Variants in XIRP1 observed in about 807,000 individuals in gnomAD.
XIRP1 encodes xin actin binding repeat containing 1.
For missense variants in XIRP1, 2,378 were observed against 2,345.4 expected, an observed-to-expected ratio of 1.01 and a Z score of -0.29; for synonymous variants, 984 against 947.0, an observed-to-expected ratio of 1.04 and a Z score of -0.72.
chr3:39,187,885 G>T lies in XIRP1; in HGVS notation c.1561C>A (p.Leu521Ile). 6.2e-7 allele frequency: 1 copy of T among 1,614,186 alleles called. No homozygotes were observed. The highest frequency in any genetic ancestry group is 8.5e-7 in the Non-Finnish European group (1 of 1,180,048). ...CTGGGGCTTCGGCCGAGCTGGTCTA[G>T]GGGCTGTGTCTCAAACATCCACCTG... is the stretch of plus-strand genomic sequence containing the variant. The part of the protein sequence containing the change: ...GYRWMFETQP[L>I]DQLGRSPSTI... The change falls in exon 2 of 2, where the codon CTA (leucine) becomes ATA (isoleucine). Residue 521 changes from leucine to isoleucine, a missense_variant. Coordinates refer to ENST00000340369, the MANE Select transcript of XIRP1 (RefSeq NM_194293.4).
chr3:39,189,567 C>T (rs2040058804), intron 1 of XIRP1, 42 bp from the exon 2 acceptor site: 3 of 1,440,030 alleles, frequency 2.1e-6, no homozygotes, highest in Non-Finnish European at 2.8e-6. Flanking sequence ...GTCAGAGTAG[C>T]TCTGGGTGAC....
rs768874233 is a variant in XIRP1, at chr3:39,189,379, G to A, written c.67C>T (p.Pro23Ser). The part of the protein sequence containing the change: ...TMRMATAEDL[P>S]LPPPPALEDL... ...TCCAGGGCTGGGGGTGGAGGGAGGG[G>A]CAGGTCCTCTGCAGTTGCCATCCTC... Residue 23 changes from proline to serine, a missense_variant, in exon 2 of 2, where the codon CCC (proline) becomes TCC (serine). By Grantham distance (74) the Pro-to-Ser change is moderately conservative. Coordinates refer to ENST00000340369, the MANE Select transcript of XIRP1 (RefSeq NM_194293.4). 1.1e-5 allele frequency: 18 copies of A among 1,611,668 alleles called. No individual in the cohort carries two copies. Among genetic ancestry groups the A allele is most frequent in the Non-Finnish European group, 1.5e-5 (18 of 1,179,328 alleles).
chr3:39,187,072 T>A lies in XIRP1; in HGVS notation c.2374A>T (p.Met792Leu). 6.2e-7 allele frequency: 1 copy of A among 1,613,216 alleles called. No individual in the cohort carries two copies. Among genetic ancestry groups the A allele is most frequent in the Admixed American group, 1.7e-5 (1 of 60,018 alleles). Residue 792 changes from methionine to leucine, a missense_variant, in exon 2 of 2, where the codon ATG becomes TTG. Coordinates refer to ENST00000340369, the MANE Select transcript of XIRP1 (RefSeq NM_194293.4). ...PGILHHGGIL[M>L]EARGPGELCL... is the part of the protein sequence containing the mutation. ...AGCTCCCCTGGCCCTCGGGCCTCCA[T>A]GAGGATGCCTCCATGGTGCAGGATG...
rs770677874 is a variant in XIRP1, at chr3:39,185,148, T to C, written c.4298A>G (p.His1433Arg). ...GCCCCACTGTGGTGAGGTGGGATCATGGTTGAGGGCATTGAGCTTGGGGGG... is the reference window on the plus strand; with the variant it reads ...GCCCCACTGTGGTGAGGTGGGATCACGGTTGAGGGCATTGAGCTTGGGGGG... The part of the protein sequence containing the change: ...SEPPKLNALN[H>R]DPTSPQWGPG... Residue 1433 changes from histidine to arginine, a missense_variant, in exon 2 of 2, where the codon CAT (histidine) becomes CGT (arginine). Coordinates refer to ENST00000340369, the MANE Select transcript of XIRP1 (RefSeq NM_194293.4). 2.5e-6 allele frequency: 4 copies of C among 1,598,040 alleles called. No homozygotes were observed. Among genetic ancestry groups the C allele is most frequent in the Non-Finnish European group, 3.4e-6 (4 of 1,171,908 alleles).
In XIRP1 at chr3:39,192,564, A is replaced by G. The variant is rs1364741692; in HGVS notation, c.-199T>C. The G allele has an allele frequency of 6.7e-6, 1 of 149,200 alleles. No homozygotes were observed. Among genetic ancestry groups the G allele is most frequent in the Non-Finnish European group, 1.5e-5 (1 of 67,532 alleles). The allele number at this position is 149,200 out of a possible 1,614,324, so 9.2% of individuals were successfully genotyped here. A position where few individuals can be genotyped will look rare whatever the true frequency, so the allele number is the denominator to read the frequency against. Reference sequence around the variant, plus strand: ...TTCTGTTCTGCTGGCTCCAACAGACACCTTCTTGCTGCCCTGGCTCCAGGT... The same window carrying G: ...TTCTGTTCTGCTGGCTCCAACAGACGCCTTCTTGCTGCCCTGGCTCCAGGT... On this transcript the variant is annotated 5_prime_UTR_variant, in exon 1 of 2. Coordinates refer to ENST00000340369, the MANE Select transcript of XIRP1 (RefSeq NM_194293.4).
chr3:39,190,022 T>G (rs1366580557), intron 1 of XIRP1, among the ~76,000 whole-genome samples: 1 of 152,114 alleles, frequency 6.6e-6, no homozygotes, highest in Non-Finnish European at 1.5e-5. Context: ...CTGCCTAACT[T>G]TTACCTCTTG....
Position 39,188,297 on chromosome 3 carries a change from C to T in XIRP1, c.1149G>A (p.Trp383Ter). The T allele has an allele frequency of 6.2e-7, 1 of 1,614,198 alleles. No individual in the cohort carries two copies. Among genetic ancestry groups the T allele is most frequent in the Non-Finnish European group, 8.5e-7 (1 of 1,180,028 alleles). Residue 383 changes from tryptophan to a stop codon, truncating the protein, a stop_gained, in exon 2 of 2, where the codon TGG becomes TGA. Transcript: ENST00000340369. LOFTEE classifies it low-confidence loss of function (END_TRUNC). ...CATCCAGGGGCTTTGTTTCAAATAG[C>T]CACAGGGTGGAGCGGACATCACCAG... ...VVPGDVRSTL[W>*]LFETKPLDAF...
rs767157891 is a variant in XIRP1 at position 39,186,968 on chromosome 3, T to C, written c.2478A>G (p.Glu826=). 4.4e-6 allele frequency: 7 copies of C among 1,607,440 alleles called. No homozygotes were observed. The Admixed American group carries it at 1.0e-4, about 23-fold the overall frequency. Residue 826 remains glutamate (E), a synonymous_variant, in exon 2 of 2, where the codon GAA becomes GAG. Coordinates refer to ENST00000340369, the MANE Select transcript of XIRP1 (RefSeq NM_194293.4). The stretch of plus-strand genomic sequence containing the variant: ...GGACTTGGCAGATGATCCTGGGAAG[T>C]TCACCTGACACCAGCTCCTCCTTTC... ...YIRKEELVSG[E]LPRIICQVLR... is the part of the protein sequence containing the mutation.
chr3:39,185,794 C>T lies in XIRP1; in HGVS notation c.3652G>A (p.Gly1218Ser). 1 of 1,612,716 alleles carries T rather than the reference C, an allele frequency of 6.2e-7. No homozygotes were observed. The highest frequency in any genetic ancestry group is 1.7e-4 in the Middle Eastern group (1 of 6,024). The change falls in exon 2 of 2, where the codon GGC becomes AGC. Residue 1218 changes from glycine to serine, a missense_variant. Gly to Ser is a moderately conservative substitution (Grantham distance 56). Transcript: ENST00000340369. Reference protein sequence around the residue: ...GKAMAEVCPGGLQAAETTLKT... With the variant: ...GKAMAEVCPGSLQAAETTLKT... ...AGGGTGGTCTCTGCAGCTTGGAGGC[C>T]CCCTGGGCAGACTTCTGCCATCGCC...
In XIRP1 at chr3:39,187,436, G is replaced by C; in HGVS notation, c.2010C>G (p.Ala670=). The change falls in exon 2 of 2, where the codon GCC becomes GCG. Residue 670 remains alanine (A), a synonymous_variant. Coordinates refer to ENST00000340369, the MANE Select transcript of XIRP1 (RefSeq NM_194293.4). ...GCCGTCTTCCACAGGGACGGCCTGA[G>C]GCCTGAAGAGGCTCGGTCTCAAAGA... The part of the protein sequence containing the change: ...RHVFETEPLQ[A]SGRPCGRRPV... 2 of 1,614,214 alleles carry C rather than the reference G, an allele frequency of 1.2e-6. No individual in the cohort carries two copies. Among genetic ancestry groups the C allele is most frequent in the Non-Finnish European group, 1.7e-6 (2 of 1,180,042 alleles).
intron 1 of XIRP1, among the ~76,000 whole-genome samples, chr3:39,191,068 G>A (rs926478424): frequency 6.6e-6 from 1 of 152,184 alleles, no homozygotes; most frequent in Non-Finnish European, 1.5e-5. Flanking sequence ...AGTAAGTGGG[G>A]CAGGACTTCC....
chr3:39,186,815 C>T lies in XIRP1; in HGVS notation c.2631G>A (p.Glu877=), dbSNP rs746567321. The T allele has an allele frequency of 1.9e-6, 3 of 1,613,984 alleles. No individual in the cohort carries two copies. Among genetic ancestry groups the T allele is most frequent in the Non-Finnish European group, 1.7e-6 (2 of 1,179,888 alleles). Residue 877 remains glutamate (E), a synonymous_variant, in exon 2 of 2, where the codon GAG becomes GAA. Coordinates refer to ENST00000340369, the MANE Select transcript of XIRP1 (RefSeq NM_194293.4). ...GACCGCAAGCCAGCAGCTGCTGGAG[C>T]TCAGGGTCCATGTCTTCAATATTCC... ...SSGNIEDMDP[E]LQQLLACGLG... is the part of the protein sequence containing the mutation.
rs138966868 is a variant in XIRP1, at chr3:39,188,777, C to T, written c.669G>A (p.Glu223=). The T allele has an allele frequency of 6.5e-5, 105 of 1,613,702 alleles. No homozygotes were observed. In the African/African-American group the frequency reaches 1.3e-3, roughly 19 times the overall value. The change falls in exon 2 of 2, where the codon GAG becomes GAA. Residue 223 remains glutamate (E), a synonymous_variant. Coordinates refer to ENST00000340369, the MANE Select transcript of XIRP1 (RefSeq NM_194293.4). ...CTGTCTTTTTCACATCACCCTTCAG[C>T]TCCTGGATCTCTGAGCGCAGTTCCA... is the stretch of plus-strand genomic sequence containing the variant. ...SPLELRSEIQ[E]LKGDVKKTVK... is the part of the protein sequence containing the mutation.
chr3:39,190,670 C>T (rs2040075311), intron 1 of XIRP1, among the ~76,000 whole-genome samples: 1 of 151,976 alleles, frequency 6.6e-6, no homozygotes, highest in Non-Finnish European at 1.5e-5. Context: ...TGACCTACCA[C>T]CCCTCAAGCC....
Position 39,188,793 on chromosome 3 carries a change from C to T in XIRP1, c.653G>A (p.Arg218His), listed in dbSNP as rs767471711. 1.2e-5 allele frequency: 20 copies of T among 1,613,480 alleles called. No individual in the cohort carries two copies. The East Asian group carries it at 1.6e-4, about 13-fold the overall frequency. Residue 218 changes from arginine (R) to histidine (H), a missense_variant, in exon 2 of 2, where the codon CGC (arginine) becomes CAC (histidine). Physicochemically the swap from Arg to His is conservative, Grantham distance 29. Coordinates refer to ENST00000340369, the MANE Select transcript of XIRP1 (RefSeq NM_194293.4). Reference sequence around the variant, plus strand: ...ACCCTTCAGCTCCTGGATCTCTGAGCGCAGTTCCAAGGGGCTCTGCTCCTG... The same window carrying T: ...ACCCTTCAGCTCCTGGATCTCTGAGTGCAGTTCCAAGGGGCTCTGCTCCTG... ...SLQEQSPLELRSEIQELKGDV... is the reference protein window; with the variant it reads ...SLQEQSPLELHSEIQELKGDV...
Position 39,189,458 on chromosome 3 carries a change from A to C in XIRP1, c.-13T>G. 6.4e-7 allele frequency: 1 copy of C among 1,571,240 alleles called. No homozygotes were observed. The highest frequency in any genetic ancestry group is 1.3e-5 in the African/African-American group (1 of 74,080). On this transcript the variant is annotated 5_prime_UTR_variant, in exon 2 of 2. Coordinates refer to ENST00000340369, the MANE Select transcript of XIRP1 (RefSeq NM_194293.4). ...GGGTGTCGGCCATCCTTCTGAGAAGAAGGGGCAGAGATGAGGATGGGATTG... is the reference window on the plus strand; with the variant it reads ...GGGTGTCGGCCATCCTTCTGAGAAGCAGGGGCAGAGATGAGGATGGGATTG...
Position 39,186,526 on chromosome 3 carries a change from G to T in XIRP1, c.2920C>A (p.Pro974Thr), listed in dbSNP as rs777638244. The T allele has an allele frequency of 6.2e-7, 1 of 1,612,892 alleles. No homozygotes were observed. Among genetic ancestry groups the T allele is most frequent in the Non-Finnish European group, 8.5e-7 (1 of 1,179,376 alleles). Reference protein sequence around the residue: ...LHPTESIIHVPPLDPSMGMGH... With the variant: ...LHPTESIIHVTPLDPSMGMGH... ...ATCCCCATGCTGGGGTCCAGTGGGG[G>T]AACATGGATGATGCTCTCAGTTGGG... is the stretch of plus-strand genomic sequence containing the variant. The change falls in exon 2 of 2, where the codon CCC (proline) becomes ACC (threonine). Residue 974 changes from proline (P) to threonine (T), a missense_variant. Coordinates refer to ENST00000340369, the MANE Select transcript of XIRP1 (RefSeq NM_194293.4).
chr3:39,187,385 C>A lies in XIRP1; in HGVS notation c.2061G>T (p.Glu687Asp). The A allele has an allele frequency of 1.9e-6, 3 of 1,614,108 alleles. No individual in the cohort carries two copies. Among genetic ancestry groups the A allele is most frequent in the Non-Finnish European group, 2.5e-6 (3 of 1,179,972 alleles). ...RRPVRYCSRV[E>D]IPSGQVSRQK... ...GACGAGACACCTGCCCTGAAGGGAT[C>A]TCCACGCGGCTGCAGTATCTCACAG... Residue 687 changes from glutamate (E) to aspartate (D), a missense_variant, in exon 2 of 2, where the codon GAG becomes GAT. Glu to Asp is a conservative substitution (Grantham distance 45). Transcript: ENST00000340369.
rs1450456762 is a variant in XIRP1 at position 39,186,696 on chromosome 3, G to T, written c.2750C>A (p.Thr917Asn). The T allele has an allele frequency of 6.2e-7, 1 of 1,613,902 alleles. No homozygotes were observed. Among genetic ancestry groups the T allele is most frequent in the Non-Finnish European group, 8.5e-7 (1 of 1,180,052 alleles). Reference protein sequence around the residue: ...LTAYSLQPRLTSKASERSSVQ... With the variant: ...LTAYSLQPRLNSKASERSSVQ... ...GCTGCTCCTCTCAGAGGCCTTGCTA[G>T]TTAGCCGGGGCTGCAGAGAGTAGGC... The change falls in exon 2 of 2, where the codon ACT (threonine) becomes AAT (asparagine). Residue 917 changes from threonine (T) to asparagine (N), a missense_variant. Thr to Asn is a moderately conservative substitution (Grantham distance 65, BLOSUM62 0). Transcript: ENST00000340369.
Sources: gnomAD v4.1 joint callset for allele counts (sites outside exome capture counted in the v4.1 genomes callset) on GRCh38, gnomAD v4.1.1 for gene constraint, MANE v1.5 for transcripts, NCBI Gene and HGNC (gene_info 2026-07-23, HGNC 2026-07-21) for gene names.